Variants in PRDM15 observed in about 807,000 individuals in gnomAD.
PRDM15 encodes the protein PR/SET domain 15.
PRDM15 carries 64 observed loss-of-function variants against 128.6 expected under a neutral mutation model. The ratio of observed to expected loss-of-function variants is 0.50; its 90% CI spans 0.41 to 0.61. The LOEUF (loss-of-function observed/expected upper bound fraction) is 0.61, where lower values mean the gene tolerates loss of function less well. PRDM15 is among the 20% of genes least tolerant of loss of function. PRDM15 has a pLI of 0.00. For synonymous variants in PRDM15, 615 were observed against 621.8 expected (o/e 0.99, Z 0.16); for missense variants, 1,242 against 1,569.1 (o/e 0.79, Z 3.52).
At chr21:41,877,227 C>G (rs760340738) in intron 1 of PRDM15, 3 of 153,670 alleles carry the variant, frequency 2.0e-5, no homozygotes, top group Non-Finnish European at 4.3e-5. Flanking sequence ...TGCCCGCCAC[C>G]TGCCTGCCCT....
chr21:41,840,436 CTG>C (rs2146629987), intron 6 of PRDM15, among the ~76,000 whole-genome samples: 2 of 111,126 alleles, frequency 1.8e-5, no homozygotes, highest in South Asian at 6.9e-4. Flanking sequence ...CAGAGCAAGA[CTG>C]TCTCAAAAAA....
intron 11 of PRDM15, among the ~76,000 whole-genome samples, chr21:41,830,660 A>C (rs1371937553): frequency 2.0e-5 from 3 of 150,834 alleles, no homozygotes; most frequent in Non-Finnish European, 4.4e-5. Flanking sequence ...CACAAATACT[A>C]AACACACACC....
Position 41,821,244 on chromosome 21 carries a change from G to T in PRDM15, c.1897-14C>A. The T allele has an allele frequency of 6.2e-7, 1 of 1,613,920 alleles. No individual in the cohort carries two copies. The highest frequency in any genetic ancestry group is 8.5e-7 in the Non-Finnish European group (1 of 1,179,998). ...GCCGAAGGTGAGCTGCGGGCCAGGT[G>T]GACAGGGCACTGCTGACACCCGCAT... On this transcript the variant is annotated splice_polypyrimidine_tract_variant and intron_variant, in intron 15 of 23. Coordinates refer to ENST00000398548, the MANE Select transcript of PRDM15 (RefSeq NM_001040424.3). The surrounding 1 kb of genome is among the most constrained non-coding windows in gnomAD (Gnocchi z 5.4).
Position 41,878,736 on chromosome 21 carries a change from A to AC in PRDM15, c.-10+533dup, listed in dbSNP as rs766871688. 255 of 1,557,416 alleles carry AC rather than the reference A, an allele frequency of 1.6e-4. 1 individual carries two copies. Among genetic ancestry groups the AC allele is most frequent in the East Asian group, 1.2e-3 (47 of 39,554 alleles). On this transcript the variant is annotated intron_variant, in intron 1 of 23. Transcript: ENST00000398548. ...TAAACGCGGGGTTGGGGGTCCAGGG[A>AC]CCCCCCCGTGCGACCCGCATGGGCT... is the stretch of plus-strand genomic sequence containing the variant.
intron 1 of PRDM15, chr21:41,871,473 C>A: frequency 6.4e-7 from 1 of 1,563,774 alleles, no homozygotes. Context: ...TATCCTTCCT[C>A]CCCTACTGGA....
intron 21 of PRDM15, among the ~76,000 whole-genome samples, chr21:41,806,339 A>G (rs2061618393): frequency 1.6e-5 from 1 of 63,108 alleles, no homozygotes; most frequent in East Asian, 4.8e-4. Context: ...CACCATCACC[A>G]TCACCACCAC....
intron 13 of PRDM15, among the ~76,000 whole-genome samples, chr21:41,824,688 A>G (rs149304314): frequency 3.3e-5 from 5 of 152,296 alleles, no homozygotes; most frequent in African/African-American, 1.2e-4. Flanking sequence ...CCCAGCTCGC[A>G]AAGTCACTCC....
Position 41,879,134 on chromosome 21 carries a change from C to T in PRDM15, c.-10+136G>A, listed in dbSNP as rs1353310927. On this transcript the variant is annotated intron_variant, in intron 1 of 23. Transcript: ENST00000398548. This position sits in a 1 kb window ranked among gnomAD's most constrained non-coding sequence, Gnocchi z 5.1. ...CGGCATGGCGGCTGGACCGGGGCGG[C>T]GCGCGGCTGCCGGGCGCGGGGGGCG... The T allele has an allele frequency of 3.9e-6, 4 of 1,012,692 alleles. No homozygotes were observed. Among genetic ancestry groups the T allele is most frequent in the African/African-American group, 1.8e-5 (1 of 55,946 alleles). The allele number at this position is 1,012,692 out of a possible 1,614,324, so 62.7% of individuals were successfully genotyped here.
At chr21:41,868,996 C>T (rs977499111) in intron 1 of PRDM15, among the ~76,000 whole-genome samples, 1 of 151,996 alleles carries the variant, frequency 6.6e-6, no homozygotes, top group Non-Finnish European at 1.5e-5. Context: ...CCCTCTTGCC[C>T]GTTTTCTAGT....
rs28477638 is a variant in PRDM15 at position 41,819,616 on chromosome 21, A to G, written c.2226T>C (p.Asn742=). 0.89 allele frequency: 1,434,054 copies of G among 1,612,300 alleles called. 639,175 individuals are homozygous for G. The highest frequency in any genetic ancestry group is 0.92 in the African/African-American group (68,816 of 75,024). The part of the protein sequence containing the change: ...MLKEHMRVHD[N]VREYLCAECG... ...ACTCGGCACACAGGTACTCGCGGAC[A>G]TTGTCGTGCACACGCATGTGCTCCT... Residue 742 remains asparagine, a synonymous_variant, in exon 18 of 24, where the codon AAT becomes AAC. Coordinates refer to ENST00000398548, the MANE Select transcript of PRDM15 (RefSeq NM_001040424.3).
At chr21:41,855,347 T>C (rs746390328) in intron 4 of PRDM15, among the ~76,000 whole-genome samples, 3 of 152,248 alleles carry the variant, frequency 2.0e-5, no homozygotes, top group Non-Finnish European at 2.9e-5. Flanking sequence ...TATTGCTTTA[T>C]GGATTAAATG....
chr21:41,844,779 TC>T (rs2063194752), intron 6 of PRDM15, among the ~76,000 whole-genome samples: 1 of 908 alleles, frequency 1.1e-3, no homozygotes, highest in African/African-American at 5.4e-3. Context: ...ACACAGTCCC[TC>T]CCCCCTCACA....
chr21:41,801,061 A>C lies in PRDM15; in HGVS notation c.*179T>G. On this transcript the variant is annotated 3_prime_UTR_variant, in exon 24 of 24. Transcript: ENST00000398548. ...CTCTGGCCTGCCAGAGGTCCCTTCT[A>C]GAGTTAAGCTGACAGACCGTAATGG... 1.2e-6 allele frequency: 1 copy of C among 860,440 alleles called. No individual in the cohort carries two copies. The highest frequency in any genetic ancestry group is 1.7e-6 in the Non-Finnish European group (1 of 577,052). 53.3% of individuals were successfully genotyped at this position (860,440 alleles called of 1,614,324 possible).
chr21:41,854,860 G>C lies in PRDM15; in HGVS notation c.286-42C>G, dbSNP rs757614818. On this transcript the variant is annotated intron_variant, in intron 4 of 23. Coordinates refer to ENST00000398548, the MANE Select transcript of PRDM15 (RefSeq NM_001040424.3). The surrounding 1 kb of genome is among the most constrained non-coding windows in gnomAD (Gnocchi z 4.6). Reference sequence around the variant, plus strand: ...CCATGGAGAAGCCGGGGAAATGGCTGATTACCCATCTGTGTATCAGCGTGT... The same window carrying C: ...CCATGGAGAAGCCGGGGAAATGGCTCATTACCCATCTGTGTATCAGCGTGT... The C allele has an allele frequency of 6.4e-7, 1 of 1,570,326 alleles. No homozygotes were observed. The highest frequency in any genetic ancestry group is 8.7e-7 in the Non-Finnish European group (1 of 1,155,706).
intron 11 of PRDM15, among the ~76,000 whole-genome samples, chr21:41,833,614 T>A (rs890348484): frequency 2.6e-5 from 4 of 152,384 alleles, no homozygotes; most frequent in African/African-American, 9.6e-5. Context: ...TCAAGGTTTT[T>A]ATCCTTTCTG....
In PRDM15 at chr21:41,818,151, G is replaced by A. The variant is rs139558776; in HGVS notation, c.2260+1431C>T. 2.1e-3 allele frequency among the ~76,000 whole-genome samples: 326 copies of A among 152,316 alleles called. 2 individuals carry two copies. Among genetic ancestry groups the A allele is most frequent in the South Asian group, 0.015 (74 of 4,822 alleles). The stretch of plus-strand genomic sequence containing the variant: ...CACTGTCTTAAACATTTTACTTCTT[G>A]GGGGCATTGGGGAGGAAAGGGGAGG... On this transcript the variant is annotated intron_variant, in intron 18 of 23. Coordinates refer to ENST00000398548, the MANE Select transcript of PRDM15 (RefSeq NM_001040424.3).
At chr21:41,823,209 G>A (rs1223448989) in intron 14 of PRDM15, 109 bp downstream of exon 14, 2 of 1,388,034 alleles carry the variant, frequency 1.4e-6, no homozygotes, top group South Asian at 2.5e-5. Flanking sequence ...GCACATGTCT[G>A]CCCAGAAGCT....
intron 11 of PRDM15, 39 bp downstream of exon 11, chr21:41,835,398 C>G (rs778997754): frequency 3.2e-6 from 5 of 1,545,910 alleles, no homozygotes; most frequent in Admixed American, 1.7e-5. Context: ...GAATCCGTAC[C>G]GCACAGCGGC....
At chr21:41,872,552 A>C (rs1225601583) in intron 1 of PRDM15, among the ~76,000 whole-genome samples, 3 of 152,218 alleles carry the variant, frequency 2.0e-5, no homozygotes, top group Non-Finnish European at 4.4e-5. Context: ...TTTGACACAT[A>C]ATCAGTTGTA....
Sources: gnomAD v4.1 joint callset for allele counts (sites outside exome capture counted in the v4.1 genomes callset) on GRCh38, gnomAD v4.1.1 for gene constraint, Gnocchi (gnomAD v3.1) non-coding constraint, MANE v1.5 for transcripts, NCBI Gene and HGNC (gene_info 2026-07-23, HGNC 2026-07-21) for gene names.